CSRNP3: variants seen among roughly 807,000 people sequenced by gnomAD.
The protein encoded by CSRNP3 is cysteine/serine-rich nuclear protein 3.
In CSRNP3, 12 loss-of-function variants were observed where a neutral mutation model predicts 48.0. The observed-to-expected ratio is 0.25, with a 90% CI of 0.16 to 0.41. The LOEUF (loss-of-function observed/expected upper bound fraction) is 0.41. CSRNP3 is among the 10% of genes least tolerant of loss of function. The probability of loss-of-function intolerance (pLI) is 1.00; values close to 1 mark genes in which losing one functional copy is unlikely to be tolerated. For synonymous variants in CSRNP3, 263 were observed against 269.7 expected (o/e 0.98, Z 0.24); for missense variants, 580 against 724.4 (o/e 0.80, Z 2.29).
intron 4 of CSRNP3, among the ~76,000 whole-genome samples, chr2:165,610,521 A>G (rs1346393969): frequency 6.6e-6 from 1 of 152,212 alleles, no homozygotes; most frequent in Non-Finnish European, 1.5e-5. Context: ...GCTAATAGTC[A>G]GAACTTTGGC....
chr2:165,620,954 A>G (rs1190746104), intron 4 of CSRNP3, among the ~76,000 whole-genome samples: 1 of 152,058 alleles, frequency 6.6e-6, no homozygotes, highest in Non-Finnish European at 1.5e-5. Context: ...TTTATATATA[A>G]AACTAATTAT....
intron 4 of CSRNP3, among the ~76,000 whole-genome samples, chr2:165,602,888 A>T (rs542847696): frequency 2.0e-5 from 3 of 151,616 alleles, no homozygotes; most frequent in Admixed American, 2.0e-4. Flanking sequence ...ATGTTTCTTT[A>T]TTTTTTTATT....
intron 4 of CSRNP3, 96 bp from the exon 5 acceptor site, chr2:165,657,665 C>A: frequency 6.8e-7 from 1 of 1,469,346 alleles, no homozygotes; most frequent in Non-Finnish European, 9.4e-7. Flanking sequence ...CAAGGGTTGG[C>A]CACAGATAGA....
At chr2:165,558,081 T>A (rs938750841) in intron 3 of CSRNP3, among the ~76,000 whole-genome samples, 2 of 152,142 alleles carry the variant, frequency 1.3e-5, no homozygotes, top group Non-Finnish European at 2.9e-5. Context: ...GCAGATTTTT[T>A]AAAAGCCACT....
intron 3 of CSRNP3, among the ~76,000 whole-genome samples, chr2:165,549,795 A>G (rs1435948113): frequency 1.3e-5 from 2 of 152,166 alleles, no homozygotes; most frequent in African/African-American, 2.4e-5. Context: ...ATGGCAGCCT[A>G]CAGGAGCTTT....
chr2:165,585,976 A>T (rs1247983080), intron 3 of CSRNP3, among the ~76,000 whole-genome samples: 2 of 152,132 alleles, frequency 1.3e-5, no homozygotes, highest in Non-Finnish European at 2.9e-5. Flanking sequence ...CATGCACTAC[A>T]CAGTGTGATG....
intron 3 of CSRNP3, among the ~76,000 whole-genome samples, chr2:165,547,145 A>T (rs1210706227): frequency 6.6e-6 from 1 of 152,156 alleles, no homozygotes; most frequent in Non-Finnish European, 1.5e-5. Context: ...AAACATACTG[A>T]TGAACCTCAT....
At chr2:165,521,809 T>A (rs745637832) in intron 3 of CSRNP3, among the ~76,000 whole-genome samples, 1 of 152,208 alleles carries the variant, frequency 6.6e-6, no homozygotes, top group Non-Finnish European at 1.5e-5. Context: ...CCATTGGCAC[T>A]TCATCTTTAG....
chr2:165,682,601 C>G lies in CSRNP3; in HGVS notation c.*2848C>G, dbSNP rs936116488. On this transcript the variant is annotated 3_prime_UTR_variant, in exon 7 of 7. Coordinates refer to ENST00000651982, the MANE Select transcript of CSRNP3 (RefSeq NM_001172173.2). ...TTAGAAAAGAGGATAATTGGTAGAG[C>G]TGTAGTTTGAAAATATCAGGTCAAA... 6.6e-6 allele frequency: 1 copy of G among 152,142 alleles called. No homozygotes were observed. The highest frequency in any genetic ancestry group is 1.5e-5 in the Non-Finnish European group (1 of 68,002). 9.4% of individuals were successfully genotyped at this position (152,142 alleles called of 1,614,324 possible). A position where few individuals can be genotyped will look rare whatever the true frequency, so the allele number is the denominator to read the frequency against.
chr2:165,557,706 G>A (rs977138107), intron 3 of CSRNP3, among the ~76,000 whole-genome samples: 2 of 152,114 alleles, frequency 1.3e-5, no homozygotes, highest in Non-Finnish European at 1.5e-5. Flanking sequence ...ATTCATCTCT[G>A]CCTCCCCCAC....
At chr2:165,558,571 G>A (rs1439888426) in intron 3 of CSRNP3, among the ~76,000 whole-genome samples, 1 of 152,104 alleles carries the variant, frequency 6.6e-6, no homozygotes, top group African/African-American at 2.4e-5. Context: ...AGGGGAAAAT[G>A]TTCAGGTAAG....
intron 2 of CSRNP3, among the ~76,000 whole-genome samples, chr2:165,516,074 G>A (rs1278252436): frequency 1.3e-5 from 2 of 151,950 alleles, no homozygotes; most frequent in Non-Finnish European, 2.9e-5. Context: ...CCAAAGTGCG[G>A]GGGTTACAGG....
rs933564525 is a variant in CSRNP3, at chr2:165,543,885, C to T, written c.-24+25924C>T. ...TATATGCAAAGCACTTTTCTAGGGC[C>T]TTGAACACATCAATAAAAAAAGAGA... On this transcript the variant is annotated intron_variant, in intron 3 of 6. Coordinates refer to ENST00000651982, the MANE Select transcript of CSRNP3 (RefSeq NM_001172173.2). Among the ~76,000 whole-genome samples the T allele has an allele frequency of 5.9e-5, 9 of 151,998 alleles. No homozygotes were observed. The South Asian group carries it at 1.7e-3, about 28-fold the overall frequency.
chr2:165,588,865 G>C (rs1418076251), intron 3 of CSRNP3, among the ~76,000 whole-genome samples: 1 of 152,174 alleles, frequency 6.6e-6, no homozygotes, highest in African/African-American at 2.4e-5. Flanking sequence ...GTGAGGCAGA[G>C]GTGGGAGGAT....
At position 165,680,833 on chromosome 2, in the gene CSRNP3, G is replaced by A. The variant is rs558330821; in HGVS notation, c.*1080G>A. 2 of 152,222 alleles carry A rather than the reference G, an allele frequency of 1.3e-5. No individual in the cohort carries two copies. Among genetic ancestry groups the A allele is most frequent in the South Asian group, 2.1e-4 (1 of 4,818 alleles). 9.4% of individuals were successfully genotyped at this position (152,222 alleles called of 1,614,324 possible). A position where few individuals can be genotyped will look rare whatever the true frequency, so the allele number is the denominator to read the frequency against. On this transcript the variant is annotated 3_prime_UTR_variant, in exon 7 of 7. Transcript: ENST00000651982. ...GACCTAACTCAGTAAATGCAGAGGA[G>A]GCTGAGGAAACATGGAAGAGACACG...
At chr2:165,525,521 C>T (rs1189696975) in intron 3 of CSRNP3, among the ~76,000 whole-genome samples, 2 of 139,186 alleles carry the variant, frequency 1.4e-5, no homozygotes, top group Non-Finnish European at 3.0e-5. Flanking sequence ...GAGTCTTGCT[C>T]TGTCGTCCAG....
At chr2:165,571,173 C>G (rs972345167) in intron 3 of CSRNP3, among the ~76,000 whole-genome samples, 1 of 151,732 alleles carries the variant, frequency 6.6e-6, no homozygotes, top group Admixed American at 6.6e-5. Flanking sequence ...CGTTAAGTTA[C>G]TATATATCTA....
intron 1 of CSRNP3, among the ~76,000 whole-genome samples, chr2:165,476,777 C>T (rs996516000): frequency 1.3e-5 from 2 of 152,208 alleles, no homozygotes; most frequent in Admixed American, 6.5e-5. Flanking sequence ...CTGTAAAATT[C>T]AGTTATCTAC....
chr2:165,648,157 G>A (rs901357424), intron 4 of CSRNP3, among the ~76,000 whole-genome samples: 4 of 152,108 alleles, frequency 2.6e-5, no homozygotes, highest in Non-Finnish European at 5.9e-5. Flanking sequence ...GAAGCAAAAG[G>A]AAGACTGATT....
Sources: gnomAD v4.1 joint callset for allele counts (sites outside exome capture counted in the v4.1 genomes callset) on GRCh38, gnomAD v4.1.1 for gene constraint, MANE v1.5 for transcripts, NCBI Gene and HGNC (gene_info 2026-07-23, HGNC 2026-07-21) for gene names.